The following MND1 variants were observed in gnomAD, a reference collection of about 807,000 sequenced individuals.
The protein encoded by MND1 is meiotic nuclear division protein 1 homolog.
MND1 carries 28 observed loss-of-function variants against 35.1 expected under a neutral mutation model. The observed-to-expected ratio is 0.80, with a 90% CI of 0.59 to 1.09. MND1 has a LOEUF of 1.09. Among genes scored for constraint, MND1 ranks in the 50% least tolerant of loss-of-function variants. MND1 has a pLI of 0.00. For synonymous variants in MND1, 69 were observed against 70.5 expected (o/e 0.98, Z 0.11); for missense variants, 213 against 239.6 (o/e 0.89, Z 0.73).
chr4:153,378,808 T>TTGGG (rs1159050002), intron 4 of MND1, among the ~76,000 whole-genome samples: 1 of 152,154 alleles, frequency 6.6e-6, no homozygotes, highest in African/African-American at 2.4e-5. Flanking sequence ...GTATGGAGTC[T>TTGGG]CTGAAAGAGC....
At position 153,408,923 on chromosome 4, in the gene MND1, TATATATATATAA is replaced by T. The variant is rs1039129504; in HGVS notation, c.467-44_467-33del. On this transcript the variant is annotated intron_variant, in intron 6 of 7. Transcript: ENST00000240488. ...AGATCATTTTGTGTGTATATATATA[TATATATATATAA>T]ATACATTTCATTTTATATATATAAT... The T allele has an allele frequency of 2.1e-5, 12 of 568,806 alleles. No individual in the cohort carries two copies. In the African/African-American group the frequency reaches 2.5e-4, roughly 12 times the overall value. The allele number at this position is 568,806 out of a possible 1,614,324, so 35.2% of individuals were successfully genotyped here. A position where few individuals can be genotyped will look rare whatever the true frequency, so the allele number is the denominator to read the frequency against.
intron 6 of MND1, among the ~76,000 whole-genome samples, chr4:153,408,151 T>C (rs967843885): frequency 3.9e-5 from 6 of 151,962 alleles, no homozygotes; most frequent in Non-Finnish European, 7.4e-5. Flanking sequence ...ATGCGTGTAG[T>C]CTCAGCTGCT....
rs1283325864 is a variant in MND1, at chr4:153,350,121, T to G, written c.61T>G (p.Ser21Ala). Reference sequence around the variant, plus strand: ...GAGAACTCGCATGATGGAAATATTTTCTGAAACAGTAAGTCATTTTCTTTA... The same window carrying G: ...GAGAACTCGCATGATGGAAATATTTGCTGAAACAGTAAGTCATTTTCTTTA... ...EKRTRMMEIF[S>A]ETKDVFQLKD... The change falls in exon 2 of 8, where the codon TCT (serine) becomes GCT (alanine). Residue 21 changes from serine to alanine, a missense_variant. Physicochemically the swap from Ser to Ala is moderately conservative, Grantham distance 99. Transcript: ENST00000240488. The G allele has an allele frequency of 1.2e-6, 2 of 1,604,874 alleles. No individual in the cohort carries two copies. The highest frequency in any genetic ancestry group is 2.2e-5 in the South Asian group (2 of 89,080).
chr4:153,354,691 G>A (rs528370738), intron 2 of MND1, among the ~76,000 whole-genome samples: 1 of 152,194 alleles, frequency 6.6e-6, no homozygotes, highest in South Asian at 2.1e-4. Context: ...TTGTGGAGAT[G>A]TGGTGCAAGA....
At chr4:153,411,703 G>C (rs1729689324) in intron 7 of MND1, among the ~76,000 whole-genome samples, 1 of 152,122 alleles carries the variant, frequency 6.6e-6, no homozygotes, top group Non-Finnish European at 1.5e-5. Context: ...ATCCAGGTTT[G>C]AAGTTTGTTC....
intron 4 of MND1, among the ~76,000 whole-genome samples, chr4:153,389,125 G>T (rs1236208677): frequency 6.6e-6 from 1 of 152,198 alleles, no homozygotes; most frequent in Admixed American, 6.5e-5. Context: ...GAAGCGTGCG[G>T]ATCAGAGGAA....
intron 6 of MND1, among the ~76,000 whole-genome samples, chr4:153,407,081 A>G (rs1041235953): frequency 6.6e-6 from 1 of 152,222 alleles, no homozygotes; most frequent in African/African-American, 2.4e-5. Context: ...ACACGTGGGA[A>G]TTGTGGGTGT....
intron 4 of MND1, among the ~76,000 whole-genome samples, chr4:153,377,705 A>C (rs1728549236): frequency 6.6e-6 from 1 of 152,154 alleles, no homozygotes; most frequent in Non-Finnish European, 1.5e-5. Flanking sequence ...GATCTGTGGG[A>C]GCTCATAAGG....
At chr4:153,362,996 C>G in intron 4 of MND1, 1 of 985,134 alleles carries the variant, frequency 1.0e-6, no homozygotes, top group Non-Finnish European at 1.2e-6. Context: ...GGTGACTTTC[C>G]CCCACCCCCA....
intron 3 of MND1, 66 bp downstream of exon 3, chr4:153,355,777 A>G (rs1219653064): frequency 1.0e-6 from 1 of 1,001,034 alleles, no homozygotes; most frequent in Non-Finnish European, 1.6e-6. Flanking sequence ...AAATATCTTA[A>G]TATTCATTAA....
chr4:153,361,840 AG>A (rs1365317277), intron 4 of MND1, among the ~76,000 whole-genome samples: 2 of 140,994 alleles, frequency 1.4e-5, no homozygotes, highest in African/African-American at 2.8e-5. Context: ...TCAAAAAAAA[AG>A]AAAAAAAAAA....
chr4:153,383,198 A>T (rs1263337082), intron 4 of MND1, among the ~76,000 whole-genome samples: 1 of 152,204 alleles, frequency 6.6e-6, no homozygotes, highest in Non-Finnish European at 1.5e-5. Context: ...CTCACCTCGA[A>T]CTGTGTTAAA....
In MND1 at chr4:153,358,606, A is replaced by G; in HGVS notation, c.260A>G (p.Glu87Gly). 6.2e-7 allele frequency: 1 copy of G among 1,612,432 alleles called. No individual in the cohort carries two copies. Among genetic ancestry groups the G allele is most frequent in the South Asian group, 1.1e-5 (1 of 90,598 alleles). Residue 87 changes from glutamate (E) to glycine (G), a missense_variant, in exon 4 of 8, where the codon GAG (glutamate) becomes GGG (glycine). By Grantham distance (98) the Glu-to-Gly change is moderately conservative (BLOSUM62 -2). Coordinates refer to ENST00000240488, the MANE Select transcript of MND1 (RefSeq NM_032117.4). ...CTTCATGCAAGGAAACATAAGTTGG[A>G]GGTTCTGGAATCTCAGGTAAGCTGC... is the stretch of plus-strand genomic sequence containing the variant. ...KALHARKHKL[E>G]VLESQLSEGS...
At chr4:153,351,321 G>A (rs1773213071) in intron 2 of MND1, among the ~76,000 whole-genome samples, 2 of 152,160 alleles carry the variant, frequency 1.3e-5, no homozygotes, top group South Asian at 4.1e-4. Flanking sequence ...GAAAGACTCT[G>A]AGGATCAGCA....
intron 4 of MND1, among the ~76,000 whole-genome samples, chr4:153,393,823 T>C (rs1245196626): frequency 5.3e-5 from 8 of 151,946 alleles, no homozygotes; most frequent in Admixed American, 5.3e-4. Flanking sequence ...AAAATGTTTT[T>C]TAAACTCTTT....
intron 4 of MND1, among the ~76,000 whole-genome samples, chr4:153,383,241 G>T (rs1040584185): frequency 6.6e-6 from 1 of 152,180 alleles, no homozygotes. Flanking sequence ...GAAACCTAAC[G>T]GAGAGTCTGT....
intron 4 of MND1, among the ~76,000 whole-genome samples, chr4:153,393,397 G>T (rs112925269): frequency 0.085 from 12,358 of 145,314 alleles, 722 homozygotes; most frequent in South Asian, 0.18. Context: ...TTGAAACAGG[G>T]TCTCACTCTG....
At chr4:153,355,920 C>A in intron 3 of MND1, 2 of 441,736 alleles carry the variant, frequency 4.5e-6, no homozygotes, top group South Asian at 3.9e-5. Context: ...CTGTATATTA[C>A]ATTTTGAATA....
In MND1 at chr4:153,351,903, A is replaced by AT. The variant is rs578036939; in HGVS notation, c.69+1778dup. ...ATTAACAATGGTAAGATACAGGGGG[A>AT]TTTTGTTTTACACTCTTTTCTTTGT... On this transcript the variant is annotated intron_variant, in intron 2 of 7. Transcript: ENST00000240488. Among the ~76,000 whole-genome samples, 29 of 152,302 alleles carry AT rather than the reference A, an allele frequency of 1.9e-4. No individual in the cohort carries two copies. In the East Asian group the frequency reaches 5.2e-3, roughly 27 times the overall value.
Sources: gnomAD v4.1 joint callset for allele counts (sites outside exome capture counted in the v4.1 genomes callset) on GRCh38, gnomAD v4.1.1 for gene constraint, MANE v1.5 for transcripts, NCBI Gene and HGNC (gene_info 2026-07-23, HGNC 2026-07-21) for gene names.